The following FBXL7 variants were observed in gnomAD, a reference collection of about 807,000 sequenced individuals.
FBXL7 encodes F-box/LRR-repeat protein 7.
In FBXL7, 12 loss-of-function variants were observed where a neutral mutation model predicts 38.3. The observed-to-expected ratio is 0.31, with a 90% confidence interval of 0.20 to 0.51. The LOEUF (loss-of-function observed/expected upper bound fraction) is 0.51. Ranked by LOEUF, FBXL7 falls within the 20% of genes least tolerant of loss-of-function variation. The pLI is 0.98. For synonymous variants in FBXL7, 297 were observed against 300.9 expected (o/e 0.99, Z 0.13); for missense variants, 567 against 676.4 (o/e 0.84, Z 1.79).
At chr5:15,858,703 T>G (rs1248572171) in intron 2 of FBXL7, among the ~76,000 whole-genome samples, 1 of 152,214 alleles carries the variant, frequency 6.6e-6, no homozygotes, top group East Asian at 1.9e-4. Context: ...TGTTGATCTT[T>G]CTTTGCTTTT....
chr5:15,782,934 T>C (rs997756747), intron 2 of FBXL7, among the ~76,000 whole-genome samples: 2 of 152,112 alleles, frequency 1.3e-5, no homozygotes, highest in Non-Finnish European at 2.9e-5. Context: ...GGCCAGGCCA[T>C]TTGAGACTTT....
At chr5:15,541,296 T>C (rs945652974) in intron 1 of FBXL7, among the ~76,000 whole-genome samples, 2 of 151,152 alleles carry the variant, frequency 1.3e-5, no homozygotes, top group East Asian at 1.9e-4. Context: ...AATGTAATTG[T>C]ATTTTTGAAT....
At chr5:15,820,036 T>C (rs951249724) in intron 2 of FBXL7, among the ~76,000 whole-genome samples, 2 of 152,200 alleles carry the variant, frequency 1.3e-5, no homozygotes, top group Non-Finnish European at 2.9e-5. Context: ...AGCTCTGTTA[T>C]TCAGAGTCTA....
At chr5:15,817,824 T>A (rs558023692) in intron 2 of FBXL7, among the ~76,000 whole-genome samples, 2 of 152,272 alleles carry the variant, frequency 1.3e-5, no homozygotes, top group South Asian at 4.1e-4. Context: ...GATTACCCAG[T>A]CTCAGGTGTT....
chr5:15,525,142 A>G (rs1007581217), intron 1 of FBXL7, among the ~76,000 whole-genome samples: 4 of 152,208 alleles, frequency 2.6e-5, no homozygotes, highest in African/African-American at 9.7e-5. Flanking sequence ...TCATAGGGCA[A>G]TGGTGAGATT....
At chr5:15,801,633 C>CTGTGTGTGTGTG (rs1561131619) in intron 2 of FBXL7, among the ~76,000 whole-genome samples, 5 of 117,328 alleles carry the variant, frequency 4.3e-5, no homozygotes, top group Admixed American at 1.8e-4. Context: ...AAGGGGGAGT[C>CTGTGTGTGTGTG]AGTGTGTGTG....
At chr5:15,843,400 CT>C (rs969318048) in intron 2 of FBXL7, among the ~76,000 whole-genome samples, 4 of 152,140 alleles carry the variant, frequency 2.6e-5, no homozygotes, top group African/African-American at 7.2e-5. Context: ...GATTTCACCT[CT>C]GTTTTTCACT....
chr5:15,832,659 ACT>A (rs912714042), intron 2 of FBXL7, among the ~76,000 whole-genome samples: 4 of 152,064 alleles, frequency 2.6e-5, no homozygotes, highest in Non-Finnish European at 2.9e-5. Flanking sequence ...GTTTGTAGAA[ACT>A]CTCTTTATCC....
chr5:15,736,548 A>G (rs1456787190), intron 2 of FBXL7, among the ~76,000 whole-genome samples: 2 of 152,226 alleles, frequency 1.3e-5, no homozygotes, highest in African/African-American at 2.4e-5. Flanking sequence ...TAAAATAGCA[A>G]CTATACACAA....
At chr5:15,576,764 T>G (rs980133221) in intron 1 of FBXL7, among the ~76,000 whole-genome samples, 1 of 152,142 alleles carries the variant, frequency 6.6e-6, no homozygotes, top group Non-Finnish European at 1.5e-5. Context: ...CGCCTGAGGT[T>G]TGGGTCATTA....
chr5:15,898,170 G>A (rs969441841), intron 2 of FBXL7, among the ~76,000 whole-genome samples: 6 of 151,650 alleles, frequency 4.0e-5, no homozygotes, highest in African/African-American at 1.5e-4. Flanking sequence ...TACAGGCAGA[G>A]TGAAGATACT....
At position 15,579,737 on chromosome 5, in the gene FBXL7, G is replaced by A. The variant is rs886139234; in HGVS notation, c.38-36246G>A. Among the ~76,000 whole-genome samples, 4 of 152,154 alleles carry A rather than the reference G, an allele frequency of 2.6e-5. No individual in the cohort carries two copies. In the East Asian group the frequency reaches 5.8e-4, roughly 22 times the overall value. On this transcript the variant is annotated intron_variant, in intron 1 of 3. Transcript: ENST00000504595. ...GATCTGGGGCCAGTCAGTGGCTGGA[G>A]CTGAGAATGGCAGAACTGGACAGGA...
At chr5:15,853,573 C>T (rs750031210) in intron 2 of FBXL7, among the ~76,000 whole-genome samples, 4 of 152,040 alleles carry the variant, frequency 2.6e-5, no homozygotes, top group African/African-American at 7.2e-5. Flanking sequence ...ATGTTCAATG[C>T]GGAGTAACTG....
chr5:15,646,379 A>G (rs747955850), intron 2 of FBXL7, among the ~76,000 whole-genome samples: 8 of 152,164 alleles, frequency 5.3e-5, no homozygotes, highest in Admixed American at 2.6e-4. Flanking sequence ...ATTGCTAGTA[A>G]GTGGTCAACT....
intron 2 of FBXL7, among the ~76,000 whole-genome samples, chr5:15,659,844 A>G (rs950908359): frequency 3.9e-5 from 6 of 152,216 alleles, no homozygotes; most frequent in African/African-American, 1.4e-4. Context: ...CAAAGTTAAT[A>G]TTATAGAAGA....
intron 2 of FBXL7, among the ~76,000 whole-genome samples, chr5:15,773,927 T>C (rs1258450630): frequency 6.6e-6 from 1 of 152,188 alleles, no homozygotes; most frequent in Non-Finnish European, 1.5e-5. Flanking sequence ...TTCACTGTGG[T>C]TCCATGTTCT....
intron 2 of FBXL7, among the ~76,000 whole-genome samples, chr5:15,764,576 G>A (rs1218991612): frequency 6.6e-6 from 1 of 152,186 alleles, no homozygotes; most frequent in Non-Finnish European, 1.5e-5. Context: ...ACTCCGAGGG[G>A]GGCTTAAGAA....
chr5:15,567,957 T>A (rs565706944), intron 1 of FBXL7, among the ~76,000 whole-genome samples: 24 of 152,300 alleles, frequency 1.6e-4, no homozygotes, highest in African/African-American at 4.8e-4. Context: ...TAGTATTCCA[T>A]GGTGTATATG....
At position 15,740,691 on chromosome 5, in the gene FBXL7, T is replaced by G. The variant is rs1235854584; in HGVS notation, c.127+124619T>G. On this transcript the variant is annotated intron_variant, in intron 2 of 3. Transcript: ENST00000504595. ...AGTCCCCTTAAATCCTTACCTTTTT[T>G]AAAAAATGGATTTGAGCTGGCTAAC... Among the ~76,000 whole-genome samples, 4 of 152,278 alleles carry G rather than the reference T, an allele frequency of 2.6e-5. No homozygotes were observed. In the South Asian group the frequency reaches 8.3e-4, roughly 32 times the overall value.
Sources: gnomAD v4.1 joint callset for allele counts (sites outside exome capture counted in the v4.1 genomes callset) on GRCh38, gnomAD v4.1.1 for gene constraint, MANE v1.5 for transcripts, NCBI Gene and HGNC (gene_info 2026-07-23, HGNC 2026-07-21) for gene names.